PLEKHA1: variants seen among roughly 807,000 people sequenced by gnomAD.
PLEKHA1 encodes pleckstrin homology domain containing A1, also known as pleckstrin homology domain-containing family A member 1.
PLEKHA1 carries 34 observed loss-of-function variants against 52.0 expected under a neutral mutation model. That is an observed-to-expected ratio of 0.65 (90% confidence interval 0.50 to 0.87). PLEKHA1 has a LOEUF of 0.87. Among genes scored for constraint, PLEKHA1 ranks in the 40% least tolerant of loss-of-function variants. PLEKHA1 has a pLI of 0.00. For synonymous variants in PLEKHA1, 163 were observed against 170.7 expected (o/e 0.95, Z 0.35); for missense variants, 497 against 504.2 (o/e 0.99, Z 0.14).
Position 122,426,068 on chromosome 10 carries a change from T to C in PLEKHA1, c.811-874T>C, listed in dbSNP as rs370316503. ...GTGTCTGTATTACTCTGTTGCTGTATTGTGTCTGTGTTACTCTGTTCATGT... is the reference window on the plus strand; with the variant it reads ...GTGTCTGTATTACTCTGTTGCTGTACTGTGTCTGTGTTACTCTGTTCATGT... On this transcript the variant is annotated intron_variant, in intron 10 of 11. Coordinates refer to ENST00000368990, the MANE Select transcript of PLEKHA1 (RefSeq NM_001001974.4). 1.6e-4 allele frequency among the ~76,000 whole-genome samples: 25 copies of C among 152,344 alleles called. No individual in the cohort carries two copies. In the East Asian group the frequency reaches 4.4e-3, roughly 27 times the overall value.
chr10:122,377,950 A>G (rs1590174350), intron 1 of PLEKHA1, among the ~76,000 whole-genome samples: 1 of 152,214 alleles, frequency 6.6e-6, no homozygotes, highest in East Asian at 1.9e-4. Flanking sequence ...TTTTAAGTTA[A>G]ATAAGTTTTA....
At chr10:122,395,317 T>G (rs528346906) in intron 2 of PLEKHA1, among the ~76,000 whole-genome samples, 83 of 152,310 alleles carry the variant, frequency 5.4e-4, no homozygotes, top group Admixed American at 4.2e-3. Flanking sequence ...TAGTTTGTTC[T>G]TATTAATTTT....
rs755826779 is a variant in PLEKHA1 at position 122,393,363 on chromosome 10, A to G, written c.141+22A>G. ...ACAGGTTTGTAAAATCCCAAGGATT[A>G]TCTTTTAAAAGCACAGAAAGTTGTA... On this transcript the variant is annotated intron_variant, in intron 2 of 11. Transcript: ENST00000368990. This position sits in a 1 kb window ranked among gnomAD's most constrained non-coding sequence, Gnocchi z 4.5. 13 of 1,577,676 alleles carry G rather than the reference A, an allele frequency of 8.2e-6. No homozygotes were observed. The highest frequency in any genetic ancestry group is 1.1e-5 in the Non-Finnish European group (13 of 1,163,766).
chr10:122,434,149 C>A (rs1290505955), downstream of PLEKHA1: 1 of 152,042 alleles, frequency 6.6e-6, no homozygotes, highest in African/African-American at 2.4e-5. Context: ...TGATTGTTAC[C>A]ATGGTGTTTG....
intron 1 of PLEKHA1, among the ~76,000 whole-genome samples, chr10:122,385,929 T>TA (rs1434115838): frequency 6.6e-6 from 1 of 152,236 alleles, no homozygotes; most frequent in African/African-American, 2.4e-5. Context: ...CAGTTATGAC[T>TA]AATACTGCTA....
At chr10:122,427,606 C>G (rs917652115) in intron 11 of PLEKHA1, among the ~76,000 whole-genome samples, 3 of 152,148 alleles carry the variant, frequency 2.0e-5, no homozygotes, top group African/African-American at 7.2e-5. Flanking sequence ...CTTCTGAAAA[C>G]TACCATAATT....
At position 122,430,060 on chromosome 10, in the gene PLEKHA1, G is replaced by A. The variant is rs1029548027; in HGVS notation, c.*122G>A. The A allele has an allele frequency of 7.5e-6, 8 of 1,070,908 alleles. No individual in the cohort carries two copies. The highest frequency in any genetic ancestry group is 7.8e-6 in the Non-Finnish European group (6 of 764,628). The allele number at this position is 1,070,908 out of a possible 1,614,324, so 66.3% of individuals were successfully genotyped here. On this transcript the variant is annotated 3_prime_UTR_variant, in exon 12 of 12. Coordinates refer to ENST00000368990, the MANE Select transcript of PLEKHA1 (RefSeq NM_001001974.4). ...GCGTATATTATACTGCCTCTTAGGT[G>A]TACTCTTTATAAGCTGGTAAACCAA...
chr10:122,420,438 A>G (rs2097243260), intron 8 of PLEKHA1: 1 of 152,170 alleles, frequency 6.6e-6, no homozygotes, highest in Non-Finnish European at 1.5e-5. Flanking sequence ...CATAATTGTT[A>G]ACACATGGCT....
intron 5 of PLEKHA1, among the ~76,000 whole-genome samples, chr10:122,410,805 CT>C (rs2097096712): frequency 1.3e-5 from 2 of 152,162 alleles, no homozygotes; most frequent in Admixed American, 1.3e-4. Context: ...ATTCCCAGGT[CT>C]GACTAAACTT....
Position 122,432,248 on chromosome 10 carries a change from A to G in PLEKHA1, c.*2310A>G, listed in dbSNP as rs1386118026. 1 of 152,126 alleles carries G rather than the reference A, an allele frequency of 6.6e-6. No homozygotes were observed. The highest frequency in any genetic ancestry group is 6.5e-5 in the Admixed American group (1 of 15,274). 9.4% of individuals were successfully genotyped at this position (152,126 alleles called of 1,614,324 possible). ...ATAACATGTCTTCTTTCAGAATGGG[A>G]ATATATGTGTGCCTCCCAACATTTA... On this transcript the variant is annotated 3_prime_UTR_variant, in exon 12 of 12. Coordinates refer to ENST00000368990, the MANE Select transcript of PLEKHA1 (RefSeq NM_001001974.4).
At position 122,431,747 on chromosome 10, in the gene PLEKHA1, TTC is replaced by T. The variant is rs1313701535; in HGVS notation, c.*1813_*1814del. ...TTTTTTAAAGTTACATTAAGATTTT[TTC>T]TCTTTTGCAGCTACATTTGAAAGTG... On this transcript the variant is annotated 3_prime_UTR_variant, in exon 12 of 12. Transcript: ENST00000368990. 1 of 152,666 alleles carries T rather than the reference TTC, an allele frequency of 6.6e-6. No individual in the cohort carries two copies. Among genetic ancestry groups the T allele is most frequent in the Non-Finnish European group, 1.5e-5 (1 of 68,050 alleles). 9.5% of individuals were successfully genotyped at this position (152,666 alleles called of 1,614,324 possible).
intron 1 of PLEKHA1, among the ~76,000 whole-genome samples, chr10:122,384,522 G>T (rs2096660577): frequency 6.6e-6 from 1 of 150,818 alleles, no homozygotes; most frequent in South Asian, 2.1e-4. Context: ...GCAGGAGAAT[G>T]GTGTGAACCC....
At chr10:122,398,856 A>T (rs891757958) in intron 3 of PLEKHA1, among the ~76,000 whole-genome samples, 4 of 152,186 alleles carry the variant, frequency 2.6e-5, no homozygotes, top group Admixed American at 2.6e-4. Context: ...ATTCATTCTC[A>T]TTGACCAAAA....
downstream of PLEKHA1, chr10:122,436,346 G>T (rs74839478): frequency 6.6e-6 from 1 of 152,088 alleles, no homozygotes; most frequent in African/African-American, 2.4e-5. Flanking sequence ...TCATAGGTAC[G>T]TATCAAATTA....
At chr10:122,380,863 A>G (rs1407744388) in intron 1 of PLEKHA1, among the ~76,000 whole-genome samples, 3 of 152,104 alleles carry the variant, frequency 2.0e-5, no homozygotes, top group Non-Finnish European at 4.4e-5. Flanking sequence ...GCCAAGGTTG[A>G]CATCTATTGC....
intron 1 of PLEKHA1, chr10:122,387,223 C>G (rs1161274253): frequency 6.6e-6 from 1 of 151,962 alleles, no homozygotes; most frequent in African/African-American, 2.4e-5. Flanking sequence ...CTTTTTCTAG[C>G]TTTTTAGGGT....
intron 3 of PLEKHA1, among the ~76,000 whole-genome samples, chr10:122,399,167 A>T (rs2096892200): frequency 6.6e-6 from 1 of 152,140 alleles, no homozygotes; most frequent in South Asian, 2.1e-4. Flanking sequence ...CCAAAAAAAA[A>T]TTTATTGTTC....
the PLEKHA1 span, chr10:122,438,195 C>T: frequency 1.3e-5 from 2 of 152,114 alleles, no homozygotes; most frequent in African/African-American, 4.8e-5. Context: ...AGGTTGAGGC[C>T]ACAGTGAGCT....
chr10:122,437,208 C>T (rs2097441779), downstream of PLEKHA1: 1 of 151,670 alleles, frequency 6.6e-6, no homozygotes, highest in African/African-American at 2.4e-5. Context: ...TTTTGCCTGT[C>T]TAGTTTGAAG....
Sources: allele counts gnomAD v4.1 joint callset (sites outside exome capture counted in the v4.1 genomes callset), GRCh38; gene constraint gnomAD v4.1.1; non-coding constraint Gnocchi (gnomAD v3.1); transcripts MANE v1.5; gene names NCBI Gene and HGNC (gene_info 2026-07-23, HGNC 2026-07-21).